EHBP1: variants seen among roughly 807,000 people sequenced by gnomAD.
The protein encoded by EHBP1 is EH domain-binding protein 1.
Under a neutral mutation model 144.0 loss-of-function variants are expected in EHBP1, and 55 were observed. That is an observed-to-expected ratio of 0.38 (90% CI 0.31 to 0.48). The LOEUF is 0.48. EHBP1 is among the 20% of genes least tolerant of loss of function. The pLI is 0.98. For missense variants in EHBP1, 1,200 were observed against 1,364.2 expected, an observed-to-expected ratio of 0.88 and a Z score of 1.90; for synonymous variants, 469 against 472.7, an observed-to-expected ratio of 0.99 and a Z score of 0.10.
At chr2:62,813,518 AC>A (rs1246797476) in intron 5 of EHBP1, among the ~76,000 whole-genome samples, 1 of 152,154 alleles carries the variant, frequency 6.6e-6, no homozygotes, top group Non-Finnish European at 1.5e-5. Flanking sequence ...GGGTGAGGCC[AC>A]CTGAGATACG....
At chr2:62,953,664 A>C (rs2057529161) in intron 13 of EHBP1, among the ~76,000 whole-genome samples, 1 of 152,054 alleles carries the variant, frequency 6.6e-6, no homozygotes, top group South Asian at 2.1e-4. Context: ...TTCTACAGTT[A>C]TTATCTCTGG....
At chr2:62,995,903 A>G (rs934059194) in intron 18 of EHBP1, among the ~76,000 whole-genome samples, 2 of 152,106 alleles carry the variant, frequency 1.3e-5, no homozygotes, top group African/African-American at 4.8e-5. Flanking sequence ...TAAATTTTCA[A>G]ATTAAAATCC....
intron 10 of EHBP1, among the ~76,000 whole-genome samples, chr2:62,924,601 C>T (rs1306472431): frequency 1.3e-5 from 2 of 151,970 alleles, no homozygotes; most frequent in Non-Finnish European, 2.9e-5. Flanking sequence ...AATTTGAAAA[C>T]CTAGAGGAAA....
intron 2 of EHBP1, among the ~76,000 whole-genome samples, chr2:62,730,642 CAG>C (rs1192664380): frequency 6.7e-6 from 1 of 149,536 alleles, no homozygotes; most frequent in African/African-American, 2.5e-5. Flanking sequence ...GAGAGAGAGA[CAG>C]AGACAGAGAG....
chr2:62,751,171 T>G (rs2039671506), intron 3 of EHBP1, among the ~76,000 whole-genome samples: 1 of 152,154 alleles, frequency 6.6e-6, no homozygotes. Flanking sequence ...AATACCGAAT[T>G]TATTGAGAGT....
intron 10 of EHBP1, among the ~76,000 whole-genome samples, chr2:62,879,031 AC>A (rs1486470725): frequency 1.3e-5 from 2 of 152,024 alleles, no homozygotes; most frequent in Non-Finnish European, 2.9e-5. Flanking sequence ...AAAAAAAAAA[AC>A]AAAAAACTAC....
chr2:62,808,900 G>T (rs988761074), intron 5 of EHBP1, among the ~76,000 whole-genome samples: 1 of 152,140 alleles, frequency 6.6e-6, no homozygotes, highest in Admixed American at 6.5e-5. Flanking sequence ...GCTACAGTGG[G>T]CTGCAGTTGA....
At chr2:62,759,705 G>C (rs1413166779) in intron 3 of EHBP1, among the ~76,000 whole-genome samples, 1 of 152,010 alleles carries the variant, frequency 6.6e-6, no homozygotes, top group East Asian at 1.9e-4. Context: ...TGCCCAGCCA[G>C]TGGTGTGCTT....
At chr2:62,876,523 A>C (rs906997087) in intron 10 of EHBP1, among the ~76,000 whole-genome samples, 4 of 152,194 alleles carry the variant, frequency 2.6e-5, no homozygotes, top group Non-Finnish European at 5.9e-5. Flanking sequence ...CCACCACAAA[A>C]ACACAGTTAA....
intron 5 of EHBP1, among the ~76,000 whole-genome samples, chr2:62,806,222 G>A (rs374569184): frequency 2.4e-4 from 37 of 152,218 alleles, no homozygotes; most frequent in African/African-American, 8.7e-4. Flanking sequence ...AGACTCAAGT[G>A]ATCCTCTTGT....
chr2:62,972,290 A>G (rs899925873), intron 14 of EHBP1, among the ~76,000 whole-genome samples: 1 of 152,198 alleles, frequency 6.6e-6, no homozygotes, highest in African/African-American at 2.4e-5. Context: ...GCTGAACGCT[A>G]TACAGAAATA....
chr2:62,923,945 G>A (rs1240853776), intron 10 of EHBP1, among the ~76,000 whole-genome samples: 1 of 152,168 alleles, frequency 6.6e-6, no homozygotes, highest in Non-Finnish European at 1.5e-5. Context: ...GGCCAACTGA[G>A]CAGCTATGTG....
chr2:62,812,745 G>A (rs980233649), intron 5 of EHBP1, among the ~76,000 whole-genome samples: 1 of 152,138 alleles, frequency 6.6e-6, no homozygotes, highest in Admixed American at 6.5e-5. Flanking sequence ...AAGTAACTAA[G>A]CAAAATATTC....
chr2:62,806,605 C>G (rs1009018636), intron 5 of EHBP1, among the ~76,000 whole-genome samples: 1 of 152,144 alleles, frequency 6.6e-6, no homozygotes, highest in African/African-American at 2.4e-5. Context: ...TCAAGCAATC[C>G]TCTTGCCTCG....
chr2:62,976,924 GT>G lies in EHBP1; in HGVS notation c.2461-2256del, dbSNP rs59444192. Among the ~76,000 whole-genome samples the G allele has an allele frequency of 5.0e-3, 758 of 151,722 alleles. 8 individuals carry two copies. The highest frequency in any genetic ancestry group is 0.012 in the African/African-American group (514 of 41,364). On this transcript the variant is annotated intron_variant, in intron 14 of 22. Coordinates refer to ENST00000431489, the MANE Select transcript of EHBP1 (RefSeq NM_001142616.3). ...AGTGGCCTAAGTTTAAAATTTCTGAGTTTTTTTTCCCTCCCTCTGCATCTAT... is the reference window on the plus strand; with the variant it reads ...AGTGGCCTAAGTTTAAAATTTCTGAGTTTTTTTCCCTCCCTCTGCATCTAT...
chr2:62,955,765 T>A, intron 14 of EHBP1, 105 bp downstream of exon 14: 1 of 1,249,490 alleles, frequency 8.0e-7, no homozygotes, highest in Non-Finnish European at 1.1e-6. Flanking sequence ...CTACGGACTG[T>A]ACATTGTGAA....
At chr2:62,737,126 T>C (rs767668512) in intron 2 of EHBP1, among the ~76,000 whole-genome samples, 9 of 152,190 alleles carry the variant, frequency 5.9e-5, no homozygotes, top group African/African-American at 1.9e-4. Flanking sequence ...ATATTTTCCT[T>C]TTCCCAGGTC....
At chr2:63,025,993 T>A (rs1435120454) in intron 19 of EHBP1, among the ~76,000 whole-genome samples, 1 of 152,104 alleles carries the variant, frequency 6.6e-6, no homozygotes, top group Non-Finnish European at 1.5e-5. Flanking sequence ...AGTTGATGGG[T>A]TTGGGTGCAT....
chr2:62,776,219 G>A (rs2042044099), intron 5 of EHBP1, among the ~76,000 whole-genome samples: 2 of 152,080 alleles, frequency 1.3e-5, no homozygotes, highest in African/African-American at 4.8e-5. Context: ...TCTTGTTTCT[G>A]ATTTCTCCGT....
Sources: gnomAD v4.1 joint callset for allele counts (sites outside exome capture counted in the v4.1 genomes callset) on GRCh38, gnomAD v4.1.1 for gene constraint, MANE v1.5 for transcripts, NCBI Gene and HGNC (gene_info 2026-07-23, HGNC 2026-07-21) for gene names.